Variants in TTC39C observed in about 807,000 individuals in gnomAD.
TTC39C encodes tetratricopeptide repeat domain 39C.
Under a neutral mutation model 76.3 loss-of-function variants are expected in TTC39C, and 33 were observed. The observed-to-expected ratio is 0.43, with a 90% CI of 0.33 to 0.58. The LOEUF is 0.58. Among genes scored for constraint, TTC39C ranks in the 20% least tolerant of loss-of-function variants. The pLI is 0.04. For missense variants in TTC39C, 595 were observed against 701.4 expected (o/e 0.85, Z 1.71); for synonymous variants, 254 against 260.6 (o/e 0.97, Z 0.24).
chr18:24,083,866 T>C (rs2084408898), intron 6 of TTC39C, among the ~76,000 whole-genome samples: 1 of 152,210 alleles, frequency 6.6e-6, no homozygotes. Flanking sequence ...GCTGTTATAG[T>C]AGCTGCTCCA....
chr18:24,018,432 C>T (rs1036383846), intron 1 of TTC39C, among the ~76,000 whole-genome samples: 15 of 152,278 alleles, frequency 9.9e-5, no homozygotes, highest in African/African-American at 2.6e-4. Flanking sequence ...GCATATGTGA[C>T]GTGCACTCAG....
In TTC39C at chr18:24,065,014, G is replaced by A. The variant is rs76498497; in HGVS notation, c.216+826G>A. On this transcript the variant is annotated intron_variant, in intron 2 of 13. Coordinates refer to ENST00000317571, the MANE Select transcript of TTC39C (RefSeq NM_001135993.2). Reference sequence around the variant, plus strand: ...CCTAAGGAAAATGGTACTGGGTGGCGGTTGTAACATTAGTACCCAAGTGAT... The same window carrying A: ...CCTAAGGAAAATGGTACTGGGTGGCAGTTGTAACATTAGTACCCAAGTGAT... 4.0e-3 allele frequency among the ~76,000 whole-genome samples: 611 copies of A among 152,300 alleles called. 3 individuals carry two copies. The highest frequency in any genetic ancestry group is 6.4e-3 in the Non-Finnish European group (437 of 68,026).
chr18:23,997,013 A>G (rs1341557500), intron 1 of TTC39C, among the ~76,000 whole-genome samples: 3 of 152,130 alleles, frequency 2.0e-5, no homozygotes, highest in Non-Finnish European at 4.4e-5. Context: ...GGAGGCTGAC[A>G]CAGGAGAATC....
At chr18:24,064,260 C>A in intron 2 of TTC39C, 72 bp downstream of exon 2, 1 of 1,547,108 alleles carries the variant, frequency 6.5e-7, no homozygotes, top group Non-Finnish European at 8.9e-7. Flanking sequence ...TAGTGGCTAC[C>A]AGTTGTATAG....
chr18:24,037,214 G>A (rs1599259828), intron 1 of TTC39C, among the ~76,000 whole-genome samples: 1 of 152,124 alleles, frequency 6.6e-6, no homozygotes, highest in Non-Finnish European at 1.5e-5. Flanking sequence ...ACTTGTGATT[G>A]TTCCCATTTA....
intron 1 of TTC39C, 47 bp downstream of exon 1, chr18:24,015,085 T>G (rs1417423479): frequency 1.5e-5 from 20 of 1,365,916 alleles, no homozygotes; most frequent in Non-Finnish European, 1.8e-5. Flanking sequence ...GCGCACCTCG[T>G]GTCCGGCTCA....
intron 1 of TTC39C, among the ~76,000 whole-genome samples, chr18:24,000,120 T>C (rs370365520): frequency 2.0e-5 from 3 of 152,158 alleles, no homozygotes; most frequent in East Asian, 3.9e-4. Flanking sequence ...ACCATCAGCA[T>C]GCCTCCAAAG....
At chr18:24,087,903 T>C (rs528690640) in intron 6 of TTC39C, among the ~76,000 whole-genome samples, 56 of 152,356 alleles carry the variant, frequency 3.7e-4, no homozygotes, top group African/African-American at 1.3e-3. Context: ...GTTTGGTTTT[T>C]GGAAATCGAA....
chr18:24,114,221 G>A (rs994321037), intron 6 of TTC39C: 39 of 271,224 alleles, frequency 1.4e-4, no homozygotes, highest in Non-Finnish European at 2.6e-4. Flanking sequence ...AGGAGAAGGC[G>A]GCGCGAGCTG....
intron 11 of TTC39C, 109 bp from the exon 12 acceptor site, chr18:24,130,204 C>G: frequency 1.9e-6 from 1 of 516,042 alleles, no homozygotes; most frequent in South Asian, 2.2e-5. Context: ...AAAATCTGAT[C>G]TAGAAAACAG....
At chr18:24,125,362 G>C in intron 9 of TTC39C, 65 bp from the exon 10 acceptor site, 1 of 1,600,836 alleles carries the variant, frequency 6.2e-7, no homozygotes, top group Non-Finnish European at 8.5e-7. Context: ...TAAAGTGTCT[G>C]AGGTATATTT....
chr18:24,008,843 T>C (rs934193303), intron 1 of TTC39C, among the ~76,000 whole-genome samples: 10 of 152,192 alleles, frequency 6.6e-5, no homozygotes, highest in African/African-American at 2.4e-4. Flanking sequence ...ATGTGGCACA[T>C]ATATACCGTG....
At chr18:24,075,300 T>TA (rs60318513) in intron 4 of TTC39C, among the ~76,000 whole-genome samples, 4,331 of 144,160 alleles carry the variant, frequency 0.03, 203 homozygotes, top group African/African-American at 0.1. Context: ...AAAGTATAAT[T>TA]AAAAAAAAAA....
intron 6 of TTC39C, among the ~76,000 whole-genome samples, chr18:24,093,768 T>C (rs7230912): frequency 0.027 from 4,047 of 152,278 alleles, 189 homozygotes; most frequent in African/African-American, 0.09. Flanking sequence ...AAAAATACAA[T>C]GTGTATACCT....
intron 1 of TTC39C, among the ~76,000 whole-genome samples, chr18:23,999,492 C>A (rs892122788): frequency 6.6e-6 from 1 of 152,344 alleles, no homozygotes; most frequent in East Asian, 1.9e-4. Flanking sequence ...ATTCAACTCT[C>A]CCCCATTTTG....
At chr18:24,020,819 C>T (rs1343396287) in intron 1 of TTC39C, among the ~76,000 whole-genome samples, 2 of 151,972 alleles carry the variant, frequency 1.3e-5, no homozygotes, top group Non-Finnish European at 2.9e-5. Context: ...TTGTATTAAC[C>T]GATTGAGTGA....
chr18:24,076,356 A>C (rs1340449911), intron 4 of TTC39C, among the ~76,000 whole-genome samples: 1 of 152,070 alleles, frequency 6.6e-6, no homozygotes, highest in Non-Finnish European at 1.5e-5. Flanking sequence ...TTCATACTTG[A>C]CCTTTCAGAG....
chr18:24,096,159 G>C (rs1786093), intron 6 of TTC39C, among the ~76,000 whole-genome samples: 1 of 152,174 alleles, frequency 6.6e-6, no homozygotes, highest in Non-Finnish European at 1.5e-5. Flanking sequence ...ATGTGACACA[G>C]AGACACGAAG....
intron 3 of TTC39C, among the ~76,000 whole-genome samples, chr18:24,066,928 A>G (rs1272195056): frequency 1.3e-5 from 2 of 152,230 alleles, no homozygotes; most frequent in Non-Finnish European, 2.9e-5. Context: ...ACAAACGAGG[A>G]AACAGAAGCA....
Sources: gnomAD v4.1 joint callset for allele counts (sites outside exome capture counted in the v4.1 genomes callset) on GRCh38, gnomAD v4.1.1 for gene constraint, MANE v1.5 for transcripts, NCBI Gene and HGNC (gene_info 2026-07-23, HGNC 2026-07-21) for gene names.